Variants in NTM observed in about 807,000 individuals in gnomAD.
The protein encoded by NTM is IgLON family member 2.
Under a neutral mutation model 42.1 loss-of-function variants are expected in NTM, and 13 were observed. That is an observed-to-expected ratio of 0.31 (90% CI 0.20 to 0.49). The LOEUF is 0.49. Ranked by LOEUF, NTM falls within the 20% of genes least tolerant of loss-of-function variation. NTM has a pLI of 0.99. For synonymous variants in NTM, 187 were observed against 179.2 expected, an observed-to-expected ratio of 1.04 and a Z score of -0.35; for missense variants, 373 against 452.8, an observed-to-expected ratio of 0.82 and a Z score of 1.60.
intron 2 of NTM, among the ~76,000 whole-genome samples, chr11:131,916,902 C>T (rs1344844720): frequency 6.6e-6 from 1 of 152,212 alleles, no homozygotes; most frequent in East Asian, 1.9e-4. Context: ...TGGGAACACC[C>T]CTACCCTGAT....
intron 1 of NTM, among the ~76,000 whole-genome samples, chr11:131,697,582 T>C (rs2075606240): frequency 6.6e-6 from 1 of 152,248 alleles, no homozygotes; most frequent in Admixed American, 6.5e-5. Flanking sequence ...GGGATTTATC[T>C]TCCAATTCAG....
chr11:132,018,042 C>T (rs969055314), intron 2 of NTM, among the ~76,000 whole-genome samples: 4 of 151,828 alleles, frequency 2.6e-5, no homozygotes, highest in Non-Finnish European at 5.9e-5. Flanking sequence ...TTTTCCATAT[C>T]CAGAGTGTAT....
chr11:131,795,417 T>G, intron 1 of NTM: 3 of 985,380 alleles, frequency 3.0e-6, no homozygotes, highest in Non-Finnish European at 3.6e-6. Context: ...AGGACTGTCC[T>G]TAAATACACT....
At chr11:132,150,495 A>G (rs1591835878) in intron 3 of NTM, among the ~76,000 whole-genome samples, 3 of 152,322 alleles carry the variant, frequency 2.0e-5, no homozygotes, top group Admixed American at 2.0e-4. Flanking sequence ...TAAAGCTAGA[A>G]TGGCTTTCCA....
intron 1 of NTM, among the ~76,000 whole-genome samples, chr11:131,612,412 T>G (rs2137547992): frequency 6.6e-6 from 1 of 152,362 alleles, no homozygotes; most frequent in Non-Finnish European, 1.5e-5. Context: ...GTACTAGAAC[T>G]GTGGAGAGTG....
chr11:132,120,525 A>G (rs1407644537), intron 2 of NTM, among the ~76,000 whole-genome samples: 1 of 152,216 alleles, frequency 6.6e-6, no homozygotes, highest in Non-Finnish European at 1.5e-5. Flanking sequence ...GGACCAGACT[A>G]TGACCAATGA....
At chr11:131,581,068 C>G (rs2058364252) in intron 1 of NTM, among the ~76,000 whole-genome samples, 1 of 152,226 alleles carries the variant, frequency 6.6e-6, no homozygotes, top group African/African-American at 2.4e-5. Flanking sequence ...GGGTTTGCCA[C>G]ACTCATCTTC....
rs149151136 is a variant in NTM, at chr11:131,698,375, T to C, written c.83-213189T>C. Among the ~76,000 whole-genome samples the C allele has an allele frequency of 2.4e-3, 364 of 152,266 alleles. 1 individual carries two copies. Among genetic ancestry groups the C allele is most frequent in the African/African-American group, 8.1e-3 (337 of 41,556 alleles). On this transcript the variant is annotated intron_variant, in intron 1 of 8. Transcript: ENST00000683400. ...GAATTCCCTTGTTCTCTTGCAATCATAATCATCACTAGCGACATCATCATC... is the reference window on the plus strand; with the variant it reads ...GAATTCCCTTGTTCTCTTGCAATCACAATCATCACTAGCGACATCATCATC...
At chr11:131,374,331 G>A (rs1941663524) in intron 1 of NTM, among the ~76,000 whole-genome samples, 2 of 152,352 alleles carry the variant, frequency 1.3e-5, no homozygotes, top group South Asian at 2.1e-4. Context: ...TCGCTCAAGC[G>A]TGCCTGGAGA....
At chr11:131,813,332 C>T (rs947272599) in intron 1 of NTM, among the ~76,000 whole-genome samples, 2 of 152,070 alleles carry the variant, frequency 1.3e-5, no homozygotes, top group African/African-American at 4.8e-5. Flanking sequence ...TAGTAAGAAC[C>T]TACTAAGTTC....
intron 1 of NTM, among the ~76,000 whole-genome samples, chr11:131,807,684 A>C (rs2092567505): frequency 6.6e-6 from 1 of 152,198 alleles, no homozygotes; most frequent in South Asian, 2.1e-4. Flanking sequence ...CACAGAAGGC[A>C]AGTCTCACCA....
At chr11:132,260,167 G>A (rs1463138877) in intron 4 of NTM, among the ~76,000 whole-genome samples, 1 of 152,034 alleles carries the variant, frequency 6.6e-6, no homozygotes, top group Non-Finnish European at 1.5e-5. Context: ...CAAACTCAAA[G>A]CTAAAACCTG....
At chr11:131,444,144 A>C (rs1218946950) in intron 1 of NTM, among the ~76,000 whole-genome samples, 29 of 144,348 alleles carry the variant, frequency 2.0e-4, no homozygotes, top group Non-Finnish European at 1.5e-5. Context: ...CATTTAAGAA[A>C]AGGTGGTAGA....
chr11:132,302,191 G>A (rs564126975), intron 4 of NTM, among the ~76,000 whole-genome samples: 6 of 152,218 alleles, frequency 3.9e-5, no homozygotes, highest in South Asian at 4.2e-4. Flanking sequence ...TTCGGTTGTC[G>A]TATTCCACTT....
intron 4 of NTM, among the ~76,000 whole-genome samples, chr11:132,244,632 G>A (rs2090775898): frequency 6.6e-6 from 1 of 152,128 alleles, no homozygotes; most frequent in Non-Finnish European, 1.5e-5. Context: ...TTTCAACCTT[G>A]CTATTCTAAT....
rs529167972 is a variant in NTM, at chr11:131,823,292, G to A, written c.83-88272G>A. On this transcript the variant is annotated intron_variant, in intron 1 of 8. Coordinates refer to ENST00000683400, the MANE Select transcript of NTM (RefSeq NM_001352005.2). ...AGAGCAGAAGCCACACATGTCCTCAGCCTTCAGCCTCTCACAGCTTTGTTG... is the reference window on the plus strand; with the variant it reads ...AGAGCAGAAGCCACACATGTCCTCAACCTTCAGCCTCTCACAGCTTTGTTG... 2.0e-5 allele frequency among the ~76,000 whole-genome samples: 3 copies of A among 152,258 alleles called. No individual in the cohort carries two copies. In the South Asian group the frequency reaches 6.2e-4, roughly 32 times the overall value.
chr11:131,565,698 T>C (rs564000108), intron 1 of NTM, among the ~76,000 whole-genome samples: 8 of 152,354 alleles, frequency 5.3e-5, no homozygotes, highest in African/African-American at 1.7e-4. Context: ...ATTCTGCAGT[T>C]GAGCTAGAAA....
intron 2 of NTM, among the ~76,000 whole-genome samples, chr11:131,925,917 GTATGCT>G (rs2138349004): frequency 6.6e-6 from 1 of 152,226 alleles, no homozygotes; most frequent in Non-Finnish European, 1.5e-5. Context: ...TGTTGCTTTG[GTATGCT>G]GCACAGTGCC....
intron 3 of NTM, among the ~76,000 whole-genome samples, chr11:132,148,904 A>G (rs950327579): frequency 1.3e-5 from 2 of 152,112 alleles, no homozygotes; most frequent in Non-Finnish European, 2.9e-5. Flanking sequence ...AGGTGTTTAC[A>G]TCTGTGACTT....
Sources: gnomAD v4.1 joint callset for allele counts (sites outside exome capture counted in the v4.1 genomes callset) on GRCh38, gnomAD v4.1.1 for gene constraint, MANE v1.5 for transcripts, NCBI Gene and HGNC (gene_info 2026-07-23, HGNC 2026-07-21) for gene names.